Variants in DIAPH3 observed in about 807,000 individuals in gnomAD.
The protein encoded by DIAPH3 is diaphanous related formin 3.
DIAPH3 carries 117 observed loss-of-function variants against 144.3 expected under a neutral mutation model. The observed-to-expected ratio is 0.81, with a 90% CI of 0.70 to 0.95. The LOEUF (loss-of-function observed/expected upper bound fraction) is 0.95, where lower values mean the gene tolerates loss of function less well. Ranked by LOEUF, DIAPH3 falls within the 40% of genes least tolerant of loss-of-function variation. DIAPH3 has a pLI of 0.00. For missense variants in DIAPH3, 1,421 were observed against 1,412.7 expected (o/e 1.01, Z -0.09); for synonymous variants, 519 against 488.9 (o/e 1.06, Z -0.81).
intron 25 of DIAPH3, among the ~76,000 whole-genome samples, chr13:59,784,115 C>T (rs1471892800): frequency 1.3e-5 from 2 of 152,156 alleles, no homozygotes; most frequent in Admixed American, 6.5e-5. Flanking sequence ...CGAAGTCTTG[C>T]TCTGTCGCCC....
At chr13:60,051,527 G>A (rs1411289424) in intron 4 of DIAPH3, among the ~76,000 whole-genome samples, 1 of 152,122 alleles carries the variant, frequency 6.6e-6, no homozygotes, top group East Asian at 1.9e-4. Flanking sequence ...GGCTGAGGCA[G>A]GACAATTGCT....
chr13:59,803,111 G>A (rs1217399363), intron 25 of DIAPH3, among the ~76,000 whole-genome samples: 1 of 152,180 alleles, frequency 6.6e-6, no homozygotes, highest in South Asian at 2.1e-4. Flanking sequence ...TACAGACAAA[G>A]AAGATGCAAT....
At chr13:59,889,856 A>G (rs1359698325) in intron 20 of DIAPH3, among the ~76,000 whole-genome samples, 1 of 152,110 alleles carries the variant, frequency 6.6e-6, no homozygotes, top group Non-Finnish European at 1.5e-5. Context: ...TAGACCCTCT[A>G]ACTTAGTGAA....
intron 27 of DIAPH3, among the ~76,000 whole-genome samples, chr13:59,761,061 T>C (rs1313242740): frequency 6.6e-6 from 1 of 152,200 alleles, no homozygotes; most frequent in Non-Finnish European, 1.5e-5. Flanking sequence ...TCTAATTTAC[T>C]TGGGAATCAA....
chr13:59,899,968 CAG>C (rs1399304831), intron 20 of DIAPH3, among the ~76,000 whole-genome samples: 1 of 152,036 alleles, frequency 6.6e-6, no homozygotes, highest in African/African-American at 2.4e-5. Context: ...TAAAGAATTG[CAG>C]AGTTATTTAA....
chr13:59,923,912 A>G (rs1797965578), intron 18 of DIAPH3, among the ~76,000 whole-genome samples: 1 of 152,194 alleles, frequency 6.6e-6, no homozygotes, highest in African/African-American at 2.4e-5. Flanking sequence ...TGCCTCTAAC[A>G]TAACTCTCTC....
intron 4 of DIAPH3, among the ~76,000 whole-genome samples, chr13:60,082,837 A>G (rs2057607681): frequency 6.6e-6 from 1 of 152,120 alleles, no homozygotes; most frequent in Non-Finnish European, 1.5e-5. Context: ...ACTAAAAGGA[A>G]GAGTGTGAAA....
intron 17 of DIAPH3, among the ~76,000 whole-genome samples, chr13:59,965,425 A>T (rs932315336): frequency 6.6e-6 from 1 of 152,098 alleles, no homozygotes; most frequent in Admixed American, 6.5e-5. Context: ...GTGAATAATG[A>T]AAGTAGTTAA....
At chr13:60,031,788 G>A (rs1342049387) in intron 5 of DIAPH3, among the ~76,000 whole-genome samples, 1 of 111,502 alleles carries the variant, frequency 9.0e-6, no homozygotes, top group African/African-American at 3.5e-5. Flanking sequence ...TTTGTCACCA[G>A]GCTGGAGTGC....
chr13:60,017,241 T>C (rs923680784), intron 5 of DIAPH3, among the ~76,000 whole-genome samples: 1 of 151,746 alleles, frequency 6.6e-6, no homozygotes, highest in Non-Finnish European at 1.5e-5. Context: ...CCATCTCTAC[T>C]AAAAATACGA....
chr13:59,917,169 A>G (rs1160558436), intron 18 of DIAPH3, among the ~76,000 whole-genome samples: 1 of 152,162 alleles, frequency 6.6e-6, no homozygotes, highest in Non-Finnish European at 1.5e-5. Flanking sequence ...TCAGCACCTC[A>G]TATCTGTGGG....
At chr13:59,924,273 T>A (rs531613574) in intron 18 of DIAPH3, among the ~76,000 whole-genome samples, 2 of 152,248 alleles carry the variant, frequency 1.3e-5, no homozygotes, top group East Asian at 1.9e-4. Context: ...CTAAAATATT[T>A]CTACTCAGAA....
intron 4 of DIAPH3, among the ~76,000 whole-genome samples, chr13:60,043,157 T>G (rs1316332709): frequency 6.6e-6 from 1 of 152,150 alleles, no homozygotes; most frequent in East Asian, 1.9e-4. Flanking sequence ...CAAAACTCAA[T>G]ACAAGAACTA....
chr13:60,094,177 A>G (rs2058038855), intron 3 of DIAPH3, among the ~76,000 whole-genome samples: 1 of 152,234 alleles, frequency 6.6e-6, no homozygotes. Flanking sequence ...AGATTCTGAT[A>G]GCCACATCAA....
chr13:60,017,552 A>G (rs2053741555), intron 5 of DIAPH3, among the ~76,000 whole-genome samples: 1 of 152,194 alleles, frequency 6.6e-6, no homozygotes, highest in Non-Finnish European at 1.5e-5. Context: ...CAAATGCAAC[A>G]TATTTATATA....
chr13:60,123,066 T>C (rs945183210), intron 2 of DIAPH3, among the ~76,000 whole-genome samples: 1 of 152,172 alleles, frequency 6.6e-6, no homozygotes, highest in African/African-American at 2.4e-5. Context: ...CTTGCCAACC[T>C]GACATGCTTC....
At chr13:59,857,697 T>C (rs149356785) in intron 22 of DIAPH3, among the ~76,000 whole-genome samples, 32 of 152,276 alleles carry the variant, frequency 2.1e-4, no homozygotes, top group African/African-American at 7.5e-4. Context: ...AATTTATCCT[T>C]AAATAAAGAG....
chr13:60,025,986 T>C (rs943141303), intron 5 of DIAPH3, among the ~76,000 whole-genome samples: 18 of 152,182 alleles, frequency 1.2e-4, no homozygotes, highest in Admixed American at 1.0e-3. Context: ...TGCTCATATA[T>C]CTTAAGTTTA....
chr13:60,097,858 T>C (rs2058152971), intron 3 of DIAPH3, among the ~76,000 whole-genome samples: 1 of 152,038 alleles, frequency 6.6e-6, no homozygotes. Flanking sequence ...GGGTATGGTA[T>C]TATTAGAATA....
Sources: gnomAD v4.1 joint callset for allele counts (sites outside exome capture counted in the v4.1 genomes callset) on GRCh38, gnomAD v4.1.1 for gene constraint, MANE v1.5 for transcripts, NCBI Gene and HGNC (gene_info 2026-07-23, HGNC 2026-07-21) for gene names.